SHPRH: variants seen among roughly 807,000 people sequenced by gnomAD.
The protein encoded by SHPRH is SNF2 histone linker PHD RING helicase, also known as E3 ubiquitin-protein ligase SHPRH.
SHPRH carries 106 observed loss-of-function variants against 202.5 expected under a neutral mutation model. The observed-to-expected ratio is 0.52, with a 90% confidence interval of 0.45 to 0.62. SHPRH has a LOEUF of 0.62. SHPRH is among the 20% of genes least tolerant of loss of function. The pLI, the probability that SHPRH is intolerant of heterozygous loss-of-function variation, is 0.00. For synonymous variants in SHPRH, 729 were observed against 686.0 expected, an observed-to-expected ratio of 1.06 and a Z score of -0.98; for missense variants, 1,710 against 2,020.0, an observed-to-expected ratio of 0.85 and a Z score of 2.94.
intron 28 of SHPRH, among the ~76,000 whole-genome samples, 197 bp from the exon 29 acceptor site, chr6:145,888,297 CACATAAAAGAGT>C (rs761163548): frequency 4.6e-5 from 7 of 151,988 alleles, no homozygotes; most frequent in Admixed American, 4.6e-4. Flanking sequence ...AGACAATAAA[CACATAAAAGAGT>C]AAGACGGTTT....
intron 19 of SHPRH, among the ~76,000 whole-genome samples, 153 bp downstream of exon 19, chr6:145,922,506 CTTTA>C (rs951774081): frequency 2.0e-4 from 30 of 151,930 alleles, no homozygotes; most frequent in African/African-American, 6.5e-4. Flanking sequence ...GTCCTTGAGA[CTTTA>C]TTTTTCTTTA....
intron 11 of SHPRH, among the ~76,000 whole-genome samples, chr6:145,938,249 A>G (rs958190900): frequency 1.3e-5 from 2 of 152,122 alleles, no homozygotes; most frequent in Non-Finnish European, 2.9e-5. Flanking sequence ...GGTTGTTACA[A>G]AGCGAGTCCA....
downstream of SHPRH, chr6:145,883,195 T>C (rs1275267290): frequency 6.6e-6 from 1 of 152,234 alleles, no homozygotes; most frequent in African/African-American, 2.4e-5. Context: ...TTTTAATTTC[T>C]ATTTTGCAGG....
chr6:145,861,521 T>C (rs891246199), downstream of SHPRH, among the ~76,000 whole-genome samples: 1 of 151,762 alleles, frequency 6.6e-6, no homozygotes, highest in African/African-American at 2.4e-5. Flanking sequence ...ACAGCCACTA[T>C]GGAAAACAAT....
intron 2 of SHPRH, among the ~76,000 whole-genome samples, chr6:145,866,924 CA>C (rs59032974): frequency 0.079 from 11,939 of 152,058 alleles, 1,570 homozygotes; most frequent in African/African-American, 0.27. Flanking sequence ...AGAGAGGGGA[CA>C]GGGGCAACAT....
At chr6:145,948,754 G>A (rs1187681699) in intron 4 of SHPRH, among the ~76,000 whole-genome samples, 1 of 152,008 alleles carries the variant, frequency 6.6e-6, no homozygotes, top group Non-Finnish European at 1.5e-5. Context: ...TATGCTAGGT[G>A]GCTAAATACA....
intron 4 of SHPRH, 65 bp downstream of exon 4, chr6:145,950,199 G>T: frequency 1.5e-6 from 2 of 1,346,766 alleles, no homozygotes; most frequent in Non-Finnish European, 2.1e-6. Flanking sequence ...ATTTCACCCT[G>T]CCCTAATTGT....
intron 2 of SHPRH, among the ~76,000 whole-genome samples, chr6:145,875,940 A>G (rs943924536): frequency 6.6e-5 from 10 of 152,240 alleles, no homozygotes; most frequent in Non-Finnish European, 2.9e-5. Context: ...GAAGTTTTGC[A>G]TGCCAAATGA....
intron 14 of SHPRH, among the ~76,000 whole-genome samples, chr6:145,931,886 ATTTCT>A (rs1230845483): frequency 5.2e-5 from 6 of 116,060 alleles, no homozygotes; most frequent in Admixed American, 1.1e-4. Context: ...CCCACAATAT[ATTTCT>A]TTTTTTTTTT....
At chr6:145,929,386 A>C (rs1785203905) in intron 14 of SHPRH, among the ~76,000 whole-genome samples, 1 of 152,056 alleles carries the variant, frequency 6.6e-6, no homozygotes. Flanking sequence ...ATATGTATTA[A>C]TGTATCATAC....
Position 145,865,501 on chromosome 6 carries a change from T to C in SHPRH, c.222-1010A>G, listed in dbSNP as rs117008331. The stretch of plus-strand genomic sequence containing the variant: ...AATAAAATCTATTGTTTCCACTGAG[T>C]CTATGGTATTTTGTTATGGCAGCCT... On this transcript the variant is annotated intron_variant, in intron 2 of 2. Coordinates refer to the SHPRH transcript ENST00000417762. 4.2e-3 allele frequency among the ~76,000 whole-genome samples: 636 copies of C among 152,242 alleles called. 18 individuals are homozygous for C. In the East Asian group the frequency reaches 0.071, roughly 17 times the overall value.
intron 6 of SHPRH, among the ~76,000 whole-genome samples, 185 bp downstream of exon 6, chr6:145,947,308 A>G (rs1321794530): frequency 6.6e-6 from 1 of 152,066 alleles, no homozygotes; most frequent in East Asian, 1.9e-4. Context: ...CTTCAAAAAT[A>G]AACCTTCTGG....
intron 11 of SHPRH, among the ~76,000 whole-genome samples, chr6:145,940,002 TA>T (rs1158040310): frequency 3.9e-5 from 6 of 152,272 alleles, no homozygotes; most frequent in African/African-American, 1.4e-4. Context: ...TAACAACTTT[TA>T]GGGAAATACA....
chr6:145,896,498 C>T (rs569553084), intron 25 of SHPRH, among the ~76,000 whole-genome samples: 11 of 152,034 alleles, frequency 7.2e-5, no homozygotes, highest in Non-Finnish European at 1.6e-4. Flanking sequence ...TTTCTAGTAC[C>T]GTAGTGCTAA....
In SHPRH at chr6:145,923,748, T is replaced by C. The variant is rs765987513; in HGVS notation, c.3440A>G (p.His1147Arg). ...ATCAATAGTAAATTCTATTGCTCTG[T>C]GGATCACATTTAGCCACCAAGGAGA... ...SNSPWWLNVI[H>R]RAIEFTIDEE... The change falls in exon 18 of 30, where the codon CAC (histidine) becomes CGC (arginine). Residue 1147 changes from histidine (H) to arginine (R), a missense_variant. Physicochemically the swap from His to Arg is conservative, Grantham distance 29. Coordinates refer to ENST00000275233, the MANE Select transcript of SHPRH (RefSeq NM_001042683.3). 6.2e-7 allele frequency: 1 copy of C among 1,611,290 alleles called. No individual in the cohort carries two copies. The highest frequency in any genetic ancestry group is 8.5e-7 in the Non-Finnish European group (1 of 1,178,320).
downstream of SHPRH, among the ~76,000 whole-genome samples, chr6:145,860,519 A>G (rs1370398843): frequency 1.3e-5 from 2 of 152,036 alleles, no homozygotes; most frequent in Non-Finnish European, 2.9e-5. Flanking sequence ...AAATAGAAGG[A>G]CATTCTGTGT....
intron 2 of SHPRH, among the ~76,000 whole-genome samples, chr6:145,875,778 A>G (rs546389793): frequency 5.3e-4 from 80 of 152,300 alleles, no homozygotes; most frequent in Non-Finnish European, 1.0e-3. Context: ...TTGAGTTTCA[A>G]TTACAGCCCG....
At chr6:145,914,629 G>C (rs1031114160) in intron 23 of SHPRH, among the ~76,000 whole-genome samples, 1 of 152,128 alleles carries the variant, frequency 6.6e-6, no homozygotes, top group African/African-American at 2.4e-5. Context: ...TTAAGTTAAA[G>C]AAGTTATAAA....
At chr6:145,882,780 A>G (rs1562278155), downstream of SHPRH, among the ~76,000 whole-genome samples, 1 of 152,232 alleles carries the variant, frequency 6.6e-6, no homozygotes, top group Non-Finnish European at 1.5e-5. Context: ...AATGTTAATT[A>G]AATAGTCTTG....
Sources: allele counts gnomAD v4.1 joint callset (sites outside exome capture counted in the v4.1 genomes callset), GRCh38; gene constraint gnomAD v4.1.1; transcripts MANE v1.5; gene names NCBI Gene and HGNC (gene_info 2026-07-23, HGNC 2026-07-21).